PCDH15: variants seen among roughly 807,000 people sequenced by gnomAD.
PCDH15 encodes the protein protocadherin related 15.
PCDH15 carries 129 observed loss-of-function variants against 178.5 expected under a neutral mutation model. That is an observed-to-expected ratio of 0.72 (90% CI 0.63 to 0.84). The LOEUF (loss-of-function observed/expected upper bound fraction) is 0.84. PCDH15 is among the 40% of genes least tolerant of loss of function. The probability of loss-of-function intolerance (pLI) is 0.00; values close to 1 mark genes in which losing one functional copy is unlikely to be tolerated. For synonymous variants in PCDH15, 800 were observed against 732.0 expected (o/e 1.09, Z -1.50); for missense variants, 2,230 against 2,099.9 (o/e 1.06, Z -1.21).
chr10:54,664,229 C>T lies in PCDH15; in HGVS notation c.34G>A (p.Ala12Thr), dbSNP rs1218529462. 6.2e-7 allele frequency: 1 copy of T among 1,612,016 alleles called. No homozygotes were observed. Among genetic ancestry groups the T allele is most frequent in the African/African-American group, 1.3e-5 (1 of 74,822 alleles). The change falls in exon 2 of 38, where the codon GCT becomes ACT. Residue 12 changes from alanine (A) to threonine (T), a missense_variant. Coordinates refer to ENST00000644397, the MANE Select transcript of PCDH15 (RefSeq NM_001384140.1). ...AGAGAGCCCAGGATGATCCCTGAAG[C>T]TAAACATGTCCAGAGATAAAACTGT... ...FRQFYLWTCL[A>T]SGIILGSLFE...
chr10:53,958,150 A>C (rs956903858), intron 23 of PCDH15, among the ~76,000 whole-genome samples: 2 of 152,150 alleles, frequency 1.3e-5, no homozygotes, highest in African/African-American at 4.8e-5. Context: ...AAAGTAAAAA[A>C]CACTAAAGTC....
intron 2 of PCDH15, among the ~76,000 whole-genome samples, chr10:54,919,628 G>A (rs1463126004): frequency 6.6e-6 from 1 of 151,878 alleles, no homozygotes; most frequent in Non-Finnish European, 1.5e-5. Flanking sequence ...TTTCTGTTTT[G>A]TTTTGATTTA....
intron 8 of PCDH15, among the ~76,000 whole-genome samples, chr10:54,307,044 A>G (rs868351659): frequency 0.082 from 946 of 11,528 alleles, 79 homozygotes; most frequent in African/African-American, 0.1. Context: ...GTGTGTGTAT[A>G]TATATATATA....
intron 2 of PCDH15, among the ~76,000 whole-genome samples, chr10:55,066,580 G>T (rs1325714371): frequency 1.4e-5 from 2 of 144,478 alleles, no homozygotes; most frequent in African/African-American, 5.0e-5. Context: ...GTGAGTCTTG[G>T]GATTGATTTA....
chr10:55,544,849 T>A (rs1034829007), intron 2 of PCDH15, among the ~76,000 whole-genome samples: 5 of 152,146 alleles, frequency 3.3e-5, no homozygotes, highest in African/African-American at 1.2e-4. Flanking sequence ...AAGAAAACTT[T>A]ACACGTAAAG....
At chr10:55,139,312 CA>C (rs1358445370) in intron 2 of PCDH15, among the ~76,000 whole-genome samples, 1 of 151,932 alleles carries the variant, frequency 6.6e-6, no homozygotes, top group African/African-American at 2.4e-5. Context: ...AATAATTTTT[CA>C]TTCATAAATT....
chr10:55,289,679 A>T (rs904868672), intron 1 of PCDH15, among the ~76,000 whole-genome samples: 1 of 152,084 alleles, frequency 6.6e-6, no homozygotes, highest in Non-Finnish European at 1.5e-5. Context: ...CCATTTAATT[A>T]ATCTATCTAT....
chr10:55,235,606 G>A (rs1350277718), intron 1 of PCDH15, among the ~76,000 whole-genome samples: 1 of 151,828 alleles, frequency 6.6e-6, no homozygotes, highest in Admixed American at 6.6e-5. Flanking sequence ...GGGACCATAA[G>A]GAACAATAAG....
chr10:54,276,913 T>G (rs778358491), intron 8 of PCDH15, among the ~76,000 whole-genome samples: 3 of 151,666 alleles, frequency 2.0e-5, no homozygotes, highest in Non-Finnish European at 4.4e-5. Context: ...TCTAGATAGG[T>G]ATTATTTCTT....
At chr10:55,132,867 T>C (rs1329854724) in intron 2 of PCDH15, among the ~76,000 whole-genome samples, 1 of 152,202 alleles carries the variant, frequency 6.6e-6, no homozygotes, top group East Asian at 1.9e-4. Flanking sequence ...GTTAACACTG[T>C]CTGGCGAGAA....
At chr10:55,181,195 C>G (rs1401202485) in intron 1 of PCDH15, among the ~76,000 whole-genome samples, 1 of 152,038 alleles carries the variant, frequency 6.6e-6, no homozygotes, top group African/African-American at 2.4e-5. Flanking sequence ...CAAATACAGT[C>G]TGACATTCTG....
chr10:54,421,835 T>C (rs866233240), intron 3 of PCDH15, among the ~76,000 whole-genome samples: 2 of 77,758 alleles, frequency 2.6e-5, no homozygotes, highest in South Asian at 3.2e-4. Flanking sequence ...TATATATATA[T>C]ATACACACAC....
chr10:54,987,093 C>T lies in PCDH15; in HGVS notation c.-79-89593G>A, dbSNP rs577700342. 3.9e-5 allele frequency among the ~76,000 whole-genome samples: 6 copies of T among 152,108 alleles called. No individual in the cohort carries two copies. The East Asian group carries it at 1.2e-3, about 30-fold the overall frequency. ...ATGTGTTCTCATTGTTCAACTCCTACTTATGAGTGAGAACATGTGGTGTTC... is the reference window on the plus strand; with the variant it reads ...ATGTGTTCTCATTGTTCAACTCCTATTTATGAGTGAGAACATGTGGTGTTC... On this transcript the variant is annotated intron_variant, in intron 2 of 5. Transcript: ENST00000458638.
At chr10:54,217,632 A>G (rs945526037) in intron 9 of PCDH15, among the ~76,000 whole-genome samples, 3 of 152,224 alleles carry the variant, frequency 2.0e-5, no homozygotes, top group East Asian at 1.9e-4. Context: ...GTTGTAGTTT[A>G]TCTTAAGAAA....
At chr10:55,362,515 T>G (rs548560170) in intron 2 of PCDH15, among the ~76,000 whole-genome samples, 2 of 152,124 alleles carry the variant, frequency 1.3e-5, no homozygotes, top group African/African-American at 4.8e-5. Context: ...TGTAGTTGAT[T>G]TGAATGTGTT....
intron 24 of PCDH15, 105 bp from the exon 25 acceptor site, chr10:53,939,060 A>G (rs2085826938): frequency 1.8e-6 from 2 of 1,135,412 alleles, no homozygotes; most frequent in Non-Finnish European, 2.6e-6. Context: ...ATGCCTATTT[A>G]TAACTAGAGT....
chr10:54,889,500 G>GATATATATATATATATATATATATATAT (rs397688090), intron 3 of PCDH15, among the ~76,000 whole-genome samples: 27 of 141,986 alleles, frequency 1.9e-4, no homozygotes, highest in South Asian at 4.5e-4. Context: ...TAATTGTGAA[G>GATATATATATATATATATATATATATAT]ATATATATAT....
chr10:55,119,973 T>G (rs1300952321), intron 2 of PCDH15, among the ~76,000 whole-genome samples: 1 of 151,984 alleles, frequency 6.6e-6, no homozygotes, highest in African/African-American at 2.4e-5. Flanking sequence ...ATAACTTGTC[T>G]TAAATGTTTT....
chr10:54,721,610 T>C (rs1475269275), intron 1 of PCDH15, among the ~76,000 whole-genome samples: 2 of 151,880 alleles, frequency 1.3e-5, no homozygotes, highest in African/African-American at 2.4e-5. Flanking sequence ...GTGCATAATC[T>C]AGAAAGCTTA....
Sources: gnomAD v4.1 joint callset for allele counts (sites outside exome capture counted in the v4.1 genomes callset) on GRCh38, gnomAD v4.1.1 for gene constraint, MANE v1.5 for transcripts, NCBI Gene and HGNC (gene_info 2026-07-23, HGNC 2026-07-21) for gene names.